IQCM: variants seen among roughly 807,000 people sequenced by gnomAD.
IQCM encodes the protein IQ domain-containing protein M.
Under a neutral mutation model 57.6 loss-of-function variants are expected in IQCM, and 45 were observed. The observed-to-expected ratio is 0.78, with a 90% CI of 0.62 to 1.00. The LOEUF is 1.00. Among genes scored for constraint, IQCM ranks in the 50% least tolerant of loss-of-function variants. The pLI is 0.00. For synonymous variants in IQCM, 148 were observed against 158.9 expected (o/e 0.93, Z 0.51); for missense variants, 468 against 511.6 (o/e 0.91, Z 0.82).
chr4:149,648,756 G>A (rs1291510650), intron 7 of IQCM, among the ~76,000 whole-genome samples: 1 of 152,070 alleles, frequency 6.6e-6, no homozygotes, highest in Non-Finnish European at 1.5e-5. Flanking sequence ...TGTGGGGTGG[G>A]GGGAGAAGGG....
chr4:149,642,540 C>G (rs116088810), intron 7 of IQCM, among the ~76,000 whole-genome samples: 6 of 152,238 alleles, frequency 3.9e-5, no homozygotes, highest in African/African-American at 1.4e-4. Flanking sequence ...ATTCTGTGAT[C>G]CCAACTGTTA....
intron 5 of IQCM, among the ~76,000 whole-genome samples, chr4:149,704,073 A>C (rs531040321): frequency 5.9e-4 from 89 of 151,836 alleles, no homozygotes; most frequent in Non-Finnish European, 1.0e-3. Flanking sequence ...ACTAAAAAAA[A>C]TTTTCACCAG....
chr4:149,467,122 G>T (rs1738939365), intron 12 of IQCM, among the ~76,000 whole-genome samples: 1 of 152,142 alleles, frequency 6.6e-6, no homozygotes, highest in African/African-American at 2.4e-5. Flanking sequence ...AAAATATTCT[G>T]TAACAGGCAA....
chr4:149,774,756 C>T (rs1475086352), intron 2 of IQCM, among the ~76,000 whole-genome samples: 1 of 149,776 alleles, frequency 6.7e-6, no homozygotes, highest in Non-Finnish European at 1.5e-5. Context: ...ATTAAACTCC[C>T]CTCTTCTTAA....
intron 2 of IQCM, among the ~76,000 whole-genome samples, chr4:149,805,626 T>A (rs1316042959): frequency 1.3e-5 from 2 of 152,082 alleles, no homozygotes; most frequent in Non-Finnish European, 2.9e-5. Flanking sequence ...TAATTCTAAA[T>A]TTTTTCATTA....
At chr4:149,447,353 C>T (rs146801819) in intron 12 of IQCM, among the ~76,000 whole-genome samples, 36 of 151,552 alleles carry the variant, frequency 2.4e-4, no homozygotes, top group Admixed American at 1.5e-3. Flanking sequence ...CAATCCAAAC[C>T]GATCTTCAAT....
intron 12 of IQCM, among the ~76,000 whole-genome samples, chr4:149,461,654 C>CA (rs57953107): frequency 0.064 from 4,101 of 63,702 alleles, 139 homozygotes; most frequent in African/African-American, 0.12. Flanking sequence ...ACCCAGTCTC[C>CA]AAAAAAAAAA....
chr4:149,796,283 C>T (rs1773109290), intron 2 of IQCM, among the ~76,000 whole-genome samples: 1 of 152,206 alleles, frequency 6.6e-6, no homozygotes, highest in Non-Finnish European at 1.5e-5. Context: ...CAGTACTCCT[C>T]CTGTGCCTGA....
At chr4:149,418,670 G>A (rs1733919740) in intron 13 of IQCM, among the ~76,000 whole-genome samples, 2 of 151,878 alleles carry the variant, frequency 1.3e-5, no homozygotes, top group Non-Finnish European at 2.9e-5. Context: ...CTCTGATGAA[G>A]GATATTCAAA....
intron 12 of IQCM, among the ~76,000 whole-genome samples, chr4:149,539,196 T>C (rs1747601390): frequency 6.6e-6 from 1 of 152,162 alleles, no homozygotes; most frequent in Non-Finnish European, 1.5e-5. Flanking sequence ...ATGTGGCATA[T>C]TTATACAAAG....
At chr4:149,412,519 T>A (rs779314920) in intron 13 of IQCM, among the ~76,000 whole-genome samples, 1 of 152,148 alleles carries the variant, frequency 6.6e-6, no homozygotes, top group Non-Finnish European at 1.5e-5. Flanking sequence ...TGTAGTACAA[T>A]CTCACATTTC....
At chr4:149,494,708 GGA>G (rs1165783053) in intron 12 of IQCM, among the ~76,000 whole-genome samples, 9 of 152,076 alleles carry the variant, frequency 5.9e-5, no homozygotes, top group African/African-American at 2.2e-4. Context: ...CAATGGAGGT[GGA>G]GCCCATGAGA....
At chr4:149,496,030 T>G (rs186337867) in intron 12 of IQCM, among the ~76,000 whole-genome samples, 1 of 152,226 alleles carries the variant, frequency 6.6e-6, no homozygotes, top group Admixed American at 6.5e-5. Flanking sequence ...TCAATGATAT[T>G]CTGCAACTGG....
At chr4:149,586,526 T>A (rs1303332197) in intron 9 of IQCM, among the ~76,000 whole-genome samples, 1 of 151,662 alleles carries the variant, frequency 6.6e-6, no homozygotes, top group South Asian at 2.1e-4. Flanking sequence ...AAAGAGCACA[T>A]AAATTTTATT....
At chr4:149,410,378 TC>T (rs1232929202) in intron 13 of IQCM, among the ~76,000 whole-genome samples, 1 of 151,720 alleles carries the variant, frequency 6.6e-6, no homozygotes, top group African/African-American at 2.4e-5. Context: ...AAGCTTTCCC[TC>T]TTGGACGGAG....
At chr4:149,578,618 C>A (rs1751881439) in intron 9 of IQCM, among the ~76,000 whole-genome samples, 1 of 151,846 alleles carries the variant, frequency 6.6e-6, no homozygotes, top group East Asian at 2.0e-4. Context: ...GTCTCTCTCA[C>A]CTCTGCTCAA....
At chr4:149,438,288 A>G (rs775447078) in intron 12 of IQCM, among the ~76,000 whole-genome samples, 2 of 152,096 alleles carry the variant, frequency 1.3e-5, no homozygotes, top group African/African-American at 2.4e-5. Context: ...GTTTTCTTTC[A>G]TTGTGAATGT....
At chr4:149,359,832 A>G (rs1729347135) in intron 13 of IQCM, among the ~76,000 whole-genome samples, 1 of 152,212 alleles carries the variant, frequency 6.6e-6, no homozygotes, top group African/African-American at 2.4e-5. Context: ...ATCTTTGTAG[A>G]GCAACTTGGA....
At chr4:149,652,345 T>C (rs1279279493) in intron 7 of IQCM, among the ~76,000 whole-genome samples, 1 of 151,940 alleles carries the variant, frequency 6.6e-6, no homozygotes, top group Non-Finnish European at 1.5e-5. Context: ...ACCTAATGCA[T>C]GCGGGGCTTA....
Sources: gnomAD v4.1 joint callset for allele counts (sites outside exome capture counted in the v4.1 genomes callset) on GRCh38, gnomAD v4.1.1 for gene constraint, MANE v1.5 for transcripts, NCBI Gene and HGNC (gene_info 2026-07-23, HGNC 2026-07-21) for gene names.